STAB2: variants seen among roughly 807,000 people sequenced by gnomAD.
STAB2 encodes stabilin 2.
Under a neutral mutation model 338.1 loss-of-function variants are expected in STAB2, and 288 were observed. The observed-to-expected ratio is 0.85, with a 90% CI of 0.77 to 0.94. STAB2 has a LOEUF of 0.94. STAB2 is among the 40% of genes least tolerant of loss of function. STAB2 has a pLI of 0.00. For missense variants in STAB2, 3,141 were observed against 3,210.1 expected (o/e 0.98, Z 0.52); for synonymous variants, 1,202 against 1,193.3 (o/e 1.01, Z -0.15).
At chr12:103,640,048 T>C in intron 8 of STAB2, 75 bp from the exon 9 acceptor site, 2 of 1,503,294 alleles carry the variant, frequency 1.3e-6, no homozygotes, top group South Asian at 2.7e-5. Context: ...AGAATAAAAA[T>C]ACAAATTAAA....
chr12:103,696,474 A>G (rs562694367), intron 33 of STAB2, among the ~76,000 whole-genome samples: 2 of 152,304 alleles, frequency 1.3e-5, no homozygotes, highest in South Asian at 4.1e-4. Context: ...TGAATATCGG[A>G]TAAATTATGA....
At chr12:103,741,567 C>T (rs1388529350) in intron 55 of STAB2, among the ~76,000 whole-genome samples, 1 of 152,176 alleles carries the variant, frequency 6.6e-6, no homozygotes, top group Admixed American at 6.5e-5. Context: ...GATCTTCTCA[C>T]CTCAGCCTCT....
chr12:103,713,324 G>A (rs1260148512), intron 41 of STAB2, among the ~76,000 whole-genome samples: 1 of 152,124 alleles, frequency 6.6e-6, no homozygotes, highest in South Asian at 2.1e-4. Flanking sequence ...CCAGATTGTG[G>A]CAGCACTGGA....
rs1347115547 is a variant in STAB2, at chr12:103,753,272, G to A, written c.6633G>A (p.Leu2211=). Residue 2211 remains leucine (L), a synonymous_variant, in exon 61 of 69, where the codon CTG becomes CTA. Transcript: ENST00000388887. Reference sequence around the variant, plus strand: ...GCTCCCCACTGGGCCAGTATAAGCTGACCTTTGACAAAGCCAGAGAGGCCT... The same window carrying A: ...GCTCCCCACTGGGCCAGTATAAGCTAACCTTTGACAAAGCCAGAGAGGCCT... ...HLRSPLGQYK[L]TFDKAREACA... 6.2e-7 allele frequency: 1 copy of A among 1,614,214 alleles called. No individual in the cohort carries two copies. The highest frequency in any genetic ancestry group is 2.2e-5 in the East Asian group (1 of 44,882).
At chr12:103,759,744 C>T (rs984349610) in intron 65 of STAB2, among the ~76,000 whole-genome samples, 17 of 151,900 alleles carry the variant, frequency 1.1e-4, no homozygotes, top group African/African-American at 4.1e-4. Flanking sequence ...GATTGTGATA[C>T]AAGGGAGGGA....
chr12:103,615,144 G>A (rs946320101), intron 3 of STAB2, among the ~76,000 whole-genome samples: 2 of 152,198 alleles, frequency 1.3e-5, no homozygotes, highest in African/African-American at 2.4e-5. Context: ...AGCAGTGAGG[G>A]TAGGGATGAT....
In STAB2 at chr12:103,711,258, CAG is replaced by C. The variant is rs1879828817; in HGVS notation, c.4289-211_4289-210del. The C allele has an allele frequency of 1.2e-5, 7 of 602,576 alleles. No individual in the cohort carries two copies. The Admixed American group carries it at 1.8e-4, about 16-fold the overall frequency. 37.3% of individuals were successfully genotyped at this position (602,576 alleles called of 1,614,324 possible). A position where few individuals can be genotyped will look rare whatever the true frequency, so the allele number is the denominator to read the frequency against. ...ACTGCCTAGCACAGGGCCTGGCAAA[CAG>C]AAGACACCATCAATGTATTTGACCT... On this transcript the variant is annotated intron_variant, in intron 39 of 68. Transcript: ENST00000388887.
intron 3 of STAB2, among the ~76,000 whole-genome samples, chr12:103,606,578 A>C (rs1957031251): frequency 6.6e-6 from 1 of 152,016 alleles, no homozygotes; most frequent in South Asian, 2.1e-4. Flanking sequence ...AAAAGTCCTT[A>C]TCTTGCCTTT....
At chr12:103,675,525 A>G (rs1189744845) in intron 23 of STAB2, among the ~76,000 whole-genome samples, 2 of 152,260 alleles carry the variant, frequency 1.3e-5, no homozygotes, top group Admixed American at 6.5e-5. Context: ...GAGTTATAAA[A>G]AGGCAGGTTC....
At chr12:103,699,287 T>C (rs1374083542) in intron 34 of STAB2, 60 bp downstream of exon 34, 15 of 1,556,388 alleles carry the variant, frequency 9.6e-6, no homozygotes, top group Admixed American at 1.8e-5. Flanking sequence ...AGGGAGAGTA[T>C]GAGGAATGAG....
At chr12:103,726,064 T>C in intron 45 of STAB2, 52 bp from the exon 46 acceptor site, 2 of 1,603,144 alleles carry the variant, frequency 1.2e-6, no homozygotes, top group Non-Finnish European at 1.7e-6. Context: ...AACCCTGTAT[T>C]GTTCTAATAT....
chr12:103,703,066 C>G, intron 34 of STAB2, 82 bp from the exon 35 acceptor site: 1 of 1,446,928 alleles, frequency 6.9e-7, no homozygotes, highest in South Asian at 1.3e-5. Context: ...AGGCAATTGT[C>G]CTATTGCTAA....
intron 41 of STAB2, among the ~76,000 whole-genome samples, chr12:103,712,872 C>T (rs563212756): frequency 1.1e-3 from 172 of 152,090 alleles, no homozygotes; most frequent in Non-Finnish European, 2.1e-3. Flanking sequence ...AGAATTTGAG[C>T]CCTGGTTCTT....
At chr12:103,637,614 C>T (rs1469094571) in intron 7 of STAB2, among the ~76,000 whole-genome samples, 4 of 152,132 alleles carry the variant, frequency 2.6e-5, no homozygotes, top group African/African-American at 9.7e-5. Flanking sequence ...ACTACATGAC[C>T]TTTAACCTGC....
chr12:103,716,596 A>T (rs1880334307), intron 43 of STAB2, among the ~76,000 whole-genome samples: 1 of 152,244 alleles, frequency 6.6e-6, no homozygotes, highest in African/African-American at 2.4e-5. Context: ...CTCAATGGGC[A>T]GATCAAGCAA....
At chr12:103,737,569 ACTGTTT>A (rs1411315580) in intron 52 of STAB2, 59 bp from the exon 53 acceptor site, 4 of 1,315,564 alleles carry the variant, frequency 3.0e-6, no homozygotes, top group Non-Finnish European at 4.1e-6. Context: ...AAAGAGATTG[ACTGTTT>A]CTCTCTCTCT....
chr12:103,594,391 C>T lies in STAB2; in HGVS notation c.216-4C>T. ...GGGTTAATGTCCTCTCTTTACCCTCCAAGGTACACCTTTGAGGTCAGAACA... is the reference window on the plus strand; with the variant it reads ...GGGTTAATGTCCTCTCTTTACCCTCTAAGGTACACCTTTGAGGTCAGAACA... On this transcript the variant is annotated splice_polypyrimidine_tract_variant and splice_region_variant and intron_variant, in intron 2 of 68. Coordinates refer to ENST00000388887, the MANE Select transcript of STAB2 (RefSeq NM_017564.10). 2 of 1,606,484 alleles carry T rather than the reference C, an allele frequency of 1.2e-6. No homozygotes were observed. Among genetic ancestry groups the T allele is most frequent in the Non-Finnish European group, 1.7e-6 (2 of 1,173,156 alleles).
In STAB2 at chr12:103,695,620, A is replaced by T; in HGVS notation, c.3446A>T (p.Asp1149Val). ...NLLMRLEQMPDYSIFRGYIIQ... is the reference protein window; with the variant it reads ...NLLMRLEQMPVYSIFRGYIIQ... Reference sequence around the variant, plus strand: ...CTCATGCGGCTGGAACAGATGCCTGACTATTCCATCTTCCGGGGCTACATC... The same window carrying T: ...CTCATGCGGCTGGAACAGATGCCTGTCTATTCCATCTTCCGGGGCTACATC... Residue 1149 changes from aspartate (D) to valine (V), a missense_variant, in exon 32 of 69, where the codon GAC becomes GTC. Coordinates refer to ENST00000388887, the MANE Select transcript of STAB2 (RefSeq NM_017564.10). 1 of 1,614,206 alleles carries T rather than the reference A, an allele frequency of 6.2e-7. No individual in the cohort carries two copies. Among genetic ancestry groups the T allele is most frequent in the Non-Finnish European group, 8.5e-7 (1 of 1,180,018 alleles).
At chr12:103,753,848 A>G (rs1285199126) in intron 61 of STAB2, among the ~76,000 whole-genome samples, 1 of 152,134 alleles carries the variant, frequency 6.6e-6, no homozygotes, top group Non-Finnish European at 1.5e-5. Flanking sequence ...AACCCACAAA[A>G]CAGTGGAGTT....
Sources: gnomAD v4.1 joint callset for allele counts (sites outside exome capture counted in the v4.1 genomes callset) on GRCh38, gnomAD v4.1.1 for gene constraint, MANE v1.5 for transcripts, NCBI Gene and HGNC (gene_info 2026-07-23, HGNC 2026-07-21) for gene names.